Variants in UNC13C observed in about 807,000 individuals in gnomAD.
UNC13C encodes unc-13 homolog C, also known as protein unc-13 homolog C.
In UNC13C, 174 loss-of-function variants were observed where a neutral mutation model predicts 245.4. That is an observed-to-expected ratio of 0.71 (90% CI 0.63 to 0.80). The LOEUF (loss-of-function observed/expected upper bound fraction) is 0.80. Ranked by LOEUF, UNC13C falls within the 30% of genes least tolerant of loss-of-function variation. The pLI is 0.00. For missense variants in UNC13C, 2,829 were observed against 2,602.9 expected, an observed-to-expected ratio of 1.09 and a Z score of -1.89; for synonymous variants, 992 against 895.1, an observed-to-expected ratio of 1.11 and a Z score of -1.93.
intron 4 of UNC13C, among the ~76,000 whole-genome samples, chr15:54,153,448 T>G (rs2032612136): frequency 6.6e-6 from 1 of 152,062 alleles, no homozygotes; most frequent in African/African-American, 2.4e-5. Flanking sequence ...TTATTCATAT[T>G]TTACAGATGA....
chr15:54,532,886 A>G, intron 25 of UNC13C, 31 bp from the exon 26 acceptor site: 1 of 1,404,910 alleles, frequency 7.1e-7, no homozygotes, highest in Non-Finnish European at 9.7e-7. Context: ...ATGTATTCTT[A>G]TATTTTAGAA....
At chr15:54,119,862 A>G (rs1003164780) in intron 2 of UNC13C, among the ~76,000 whole-genome samples, 6 of 152,216 alleles carry the variant, frequency 3.9e-5, no homozygotes, top group African/African-American at 7.2e-5. Context: ...CTCTTCCTTA[A>G]GCCAAAGCCT....
chr15:53,901,246 GTCTCACT>G, the UNC13C span, among the ~76,000 whole-genome samples: 1 of 125,616 alleles, frequency 8.0e-6, no homozygotes, highest in Admixed American at 9.6e-5. Flanking sequence ...TTGAGATGCA[GTCTCACT>G]CTGTCATCCA....
chr15:54,463,625 A>C (rs1216193044), intron 19 of UNC13C, among the ~76,000 whole-genome samples: 1 of 152,106 alleles, frequency 6.6e-6, no homozygotes, highest in Non-Finnish European at 1.5e-5. Flanking sequence ...ACCCACCAGA[A>C]GGAAGAAACT....
intron 4 of UNC13C, among the ~76,000 whole-genome samples, chr15:54,170,766 A>C (rs1759390134): frequency 1.3e-5 from 2 of 152,134 alleles, no homozygotes; most frequent in African/African-American, 4.8e-5. Flanking sequence ...CCTTTTTGTA[A>C]GTATGTTTTG....
intron 2 of UNC13C, among the ~76,000 whole-genome samples, chr15:54,040,057 C>T (rs1032849471): frequency 2.6e-5 from 4 of 151,988 alleles, no homozygotes; most frequent in African/African-American, 9.7e-5. Context: ...TACGCTCTTT[C>T]CTCATTACCT....
At chr15:54,317,598 T>C (rs2038041571) in intron 13 of UNC13C, among the ~76,000 whole-genome samples, 1 of 151,896 alleles carries the variant, frequency 6.6e-6, no homozygotes, top group African/African-American at 2.4e-5. Flanking sequence ...TTCAAATTTA[T>C]TTAGTTTATT....
At chr15:54,232,383 C>G (rs1265949812) in intron 4 of UNC13C, among the ~76,000 whole-genome samples, 1 of 152,102 alleles carries the variant, frequency 6.6e-6, no homozygotes. Flanking sequence ...TCATATTTGT[C>G]CTAGGTCCTT....
At chr15:54,520,886 C>T (rs960022724) in intron 24 of UNC13C, among the ~76,000 whole-genome samples, 2 of 152,084 alleles carry the variant, frequency 1.3e-5, no homozygotes, top group African/African-American at 2.4e-5. Context: ...TGTAAGCAGT[C>T]TGAAGATCAA....
intron 30 of UNC13C, among the ~76,000 whole-genome samples, chr15:54,571,391 A>C (rs1264690724): frequency 6.6e-6 from 1 of 152,066 alleles, no homozygotes; most frequent in Non-Finnish European, 1.5e-5. Context: ...ACACAGGAAA[A>C]ACCCACCCCT....
At chr15:54,325,929 A>G (rs1439121987) in intron 14 of UNC13C, among the ~76,000 whole-genome samples, 2 of 151,958 alleles carry the variant, frequency 1.3e-5, no homozygotes, top group Non-Finnish European at 2.9e-5. Flanking sequence ...GGTAAATATA[A>G]ACATGTTTAT....
rs999508307 is a variant in UNC13C at position 54,469,574 on chromosome 15, C to A, written c.4934-25034C>A. ...ATATTTGCATATAATTAATGCATAT[C>A]CTTTCATATACATAAAATCCTGTCT... On this transcript the variant is annotated intron_variant, in intron 19 of 32. Transcript: ENST00000260323. Among the ~76,000 whole-genome samples, 9 of 151,478 alleles carry A rather than the reference C, an allele frequency of 5.9e-5. No individual in the cohort carries two copies. The South Asian group carries it at 6.2e-4, about 10-fold the overall frequency.
At chr15:54,188,687 A>G (rs189391290) in intron 4 of UNC13C, among the ~76,000 whole-genome samples, 1 of 152,240 alleles carries the variant, frequency 6.6e-6, no homozygotes, top group Non-Finnish European at 1.5e-5. Flanking sequence ...CTTATTTGTT[A>G]AGCATCTGTT....
rs1259901204 is a variant in UNC13C at position 54,014,969 on chromosome 15, A to G, written c.2066A>G (p.Asp689Gly). ...ETNSLFDQQLDVYNKDLEYLG... is the reference protein window; with the variant it reads ...ETNSLFDQQLGVYNKDLEYLG... ...AACAGTCTTTTTGACCAACAGCTTG[A>G]TGTTTACAATAAAGACCTAGAATAC... The change falls in exon 2 of 33, where the codon GAT (aspartate) becomes GGT (glycine). Residue 689 changes from aspartate to glycine, a missense_variant. Asp to Gly is a moderately conservative substitution (Grantham distance 94, BLOSUM62 -1). Transcript: ENST00000260323. 1 of 1,613,814 alleles carries G rather than the reference A, an allele frequency of 6.2e-7. No homozygotes were observed. Among genetic ancestry groups the G allele is most frequent in the Admixed American group, 1.7e-5 (1 of 59,946 alleles).
chr15:53,867,527 T>TCCACTGAAA, the UNC13C span, among the ~76,000 whole-genome samples: 1 of 152,154 alleles, frequency 6.6e-6, no homozygotes, highest in Non-Finnish European at 1.5e-5. Context: ...AGGCTCGAGG[T>TCCACTGAAA]ATCCACTGAA....
chr15:54,328,816 A>G (rs1245861402), intron 14 of UNC13C, among the ~76,000 whole-genome samples: 1 of 152,094 alleles, frequency 6.6e-6, no homozygotes, highest in African/African-American at 2.4e-5. Flanking sequence ...AATATTTTCT[A>G]ATGTTGAAAA....
Position 54,292,931 on chromosome 15 carries a change from G to A in UNC13C, c.3819-964G>A, listed in dbSNP as rs552771578. Reference sequence around the variant, plus strand: ...AATATATAGATTATATATAGAGATAGATATCTATATCTATCTATATAGATT... The same window carrying A: ...AATATATAGATTATATATAGAGATAAATATCTATATCTATCTATATAGATT... On this transcript the variant is annotated intron_variant, in intron 10 of 32. Transcript: ENST00000260323. 9.3e-4 allele frequency among the ~76,000 whole-genome samples: 138 copies of A among 147,940 alleles called. No homozygotes were observed. The South Asian group carries it at 0.029, about 31-fold the overall frequency.
chr15:54,020,116 C>T (rs553358240), intron 2 of UNC13C, among the ~76,000 whole-genome samples: 62 of 152,256 alleles, frequency 4.1e-4, no homozygotes, highest in South Asian at 1.5e-3. Context: ...GCTCCCTTGA[C>T]GGTTCTGAGG....
At chr15:54,541,659 C>T (rs1896250984) in intron 26 of UNC13C, among the ~76,000 whole-genome samples, 1 of 151,976 alleles carries the variant, frequency 6.6e-6, no homozygotes, top group South Asian at 2.1e-4. Context: ...AGTACCCAAG[C>T]CTCTGTGCCT....
Sources: allele counts gnomAD v4.1 joint callset (sites outside exome capture counted in the v4.1 genomes callset), GRCh38; gene constraint gnomAD v4.1.1; transcripts MANE v1.5; gene names NCBI Gene and HGNC (gene_info 2026-07-23, HGNC 2026-07-21).